The following HIC2 variants were observed in gnomAD, a reference collection of about 807,000 sequenced individuals.
The protein encoded by HIC2 is hypermethylated in cancer 2 protein.
A neutral mutation model predicts 39.5 loss-of-function variants in HIC2; 2 were observed. The observed-to-expected ratio is 0.05, with a 90% CI of 0.02 to 0.16. The LOEUF is 0.16. Ranked by LOEUF, HIC2 falls within the 10% of genes least tolerant of loss-of-function variation. The pLI, the probability that HIC2 is intolerant of heterozygous loss-of-function variation, is 1.00. For missense variants in HIC2, 713 were observed against 863.5 expected (o/e 0.83, Z 2.18); for synonymous variants, 399 against 368.8 (o/e 1.08, Z -0.94).
rs1222029496 is a variant in HIC2, at chr22:21,445,800, C to T, written c.905C>T (p.Pro302Leu). The change falls in exon 3 of 3, where the codon CCT (proline) becomes CTT (leucine). Residue 302 changes from proline (P) to leucine (L), a missense_variant. By Grantham distance (98) the Pro-to-Leu change is moderately conservative (BLOSUM62 -3). Transcript: ENST00000407464. The stretch of plus-strand genomic sequence containing the variant: ...TCTTATTCTGAGCTGGGGGGCACCC[C>T]TGATGAGCCCATGGATCTGGAGGGG... ...SASYSELGGT[P>L]DEPMDLEGAE... The T allele has an allele frequency of 6.3e-7, 1 of 1,597,102 alleles. No homozygotes were observed. Among genetic ancestry groups the T allele is most frequent in the Admixed American group, 1.7e-5 (1 of 57,840 alleles).
At chr22:21,426,019 C>G (rs1285522590) in intron 1 of HIC2, among the ~76,000 whole-genome samples, 1 of 152,296 alleles carries the variant, frequency 6.6e-6, no homozygotes, top group Non-Finnish European at 1.5e-5. Flanking sequence ...GTAATTTTGT[C>G]TAGTTTTAAT....
In HIC2 at chr22:21,445,618, C is replaced by T. The variant is rs200708695; in HGVS notation, c.723C>T (p.Cys241=). ...GCACCAACGGGAGCAGCGGGGGCTGCGAGCAGGAGCTGGGCTTGGACCTGT... is the reference window on the plus strand; with the variant it reads ...GCACCAACGGGAGCAGCGGGGGCTGTGAGCAGGAGCTGGGCTTGGACCTGT... ...SSSTNGSSGG[C]EQELGLDLSK... is the part of the protein sequence containing the mutation. Residue 241 remains cysteine (C), a synonymous_variant, in exon 3 of 3, where the codon TGC becomes TGT. Transcript: ENST00000407464. 9.9e-5 allele frequency: 156 copies of T among 1,577,174 alleles called. No homozygotes were observed. Among genetic ancestry groups the T allele is most frequent in the Middle Eastern group, 8.7e-4 (5 of 5,744 alleles).
In HIC2 at chr22:21,445,583, T is replaced by TGCA. The variant is rs748013292; in HGVS notation, c.698_700dup (p.Ser233dup). The TGCA allele has an allele frequency of 7.6e-6, 12 of 1,586,432 alleles. No individual in the cohort carries two copies. The highest frequency in any genetic ancestry group is 1.0e-5 in the Non-Finnish European group (12 of 1,168,164). On this transcript the variant is annotated inframe_insertion, in exon 3 of 3. Transcript: ENST00000407464. ...TGGCGGGGAGGCGGGTCTGGGGGGC[T>TGCA]GCAGCAGCAGCACCAACGGGAGCAG...
chr22:21,432,722 A>C (rs1923363360), intron 1 of HIC2, among the ~76,000 whole-genome samples: 1 of 143,748 alleles, frequency 7.0e-6, no homozygotes. Context: ...GGACAACTTA[A>C]AAACATTATC....
At position 21,448,505 on chromosome 22, in the gene HIC2, T is replaced by C. The variant is rs1225117423; in HGVS notation, c.*1762T>C. ...GCCAGCTGAAGCTGTGGGGCTGGGC[T>C]GGCAGCCTTTATTGTCATCTTGCTT... On this transcript the variant is annotated 3_prime_UTR_variant, in exon 3 of 3. Transcript: ENST00000407464. 1 of 152,802 alleles carries C rather than the reference T, an allele frequency of 6.5e-6. No homozygotes were observed. Among genetic ancestry groups the C allele is most frequent in the East Asian group, 1.9e-4 (1 of 5,336 alleles). 9.5% of individuals were successfully genotyped at this position (152,802 alleles called of 1,614,324 possible).
rs1924137664 is a variant in HIC2 at position 21,450,732 on chromosome 22, A to G, written c.*3989A>G. 6.5e-6 allele frequency: 1 copy of G among 152,794 alleles called. No individual in the cohort carries two copies. Among genetic ancestry groups the G allele is most frequent in the Non-Finnish European group, 1.5e-5 (1 of 68,054 alleles). The allele number at this position is 152,794 out of a possible 1,614,324, so 9.5% of individuals were successfully genotyped here. A position where few individuals can be genotyped will look rare whatever the true frequency, so the allele number is the denominator to read the frequency against. ...TTACTGAACCTGTGAATCAGACGCC[A>G]GGAGTGAGGGCTGGGGAGGGACCTA... On this transcript the variant is annotated 3_prime_UTR_variant, in exon 3 of 3. Coordinates refer to ENST00000407464, the MANE Select transcript of HIC2 (RefSeq NM_015094.3).
Position 21,445,336 on chromosome 22 carries a change from C to A in HIC2, c.441C>A (p.Gly147=). 1.3e-6 allele frequency: 2 copies of A among 1,589,472 alleles called. No homozygotes were observed. Among genetic ancestry groups the A allele is most frequent in the South Asian group, 1.2e-5 (1 of 86,346 alleles). Residue 147 remains glycine (G), a synonymous_variant, in exon 3 of 3, where the codon GGC becomes GGA. Transcript: ENST00000407464. Reference sequence around the variant, plus strand: ...TCAAGCGAGCCGGCAAGCCCTTTGGCTCTGGGAGGGCGGGGTCCACTGGCA... The same window carrying A: ...TCAAGCGAGCCGGCAAGCCCTTTGGATCTGGGAGGGCGGGGTCCACTGGCA... ...RKLKRAGKPF[G]SGRAGSTGMG...
At chr22:21,443,633 A>G (rs1341130034) in intron 2 of HIC2, among the ~76,000 whole-genome samples, 1 of 152,014 alleles carries the variant, frequency 6.6e-6, no homozygotes, top group Non-Finnish European at 1.5e-5. Context: ...AGGAAAGTTC[A>G]TGTTTTCACT....
intron 2 of HIC2, among the ~76,000 whole-genome samples, chr22:21,443,606 G>C (rs923057391): frequency 3.3e-5 from 5 of 152,160 alleles, no homozygotes; most frequent in African/African-American, 1.2e-4. Flanking sequence ...CCGCTGCTCG[G>C]TTGTCCGTCA....
At chr22:21,438,185 A>G (rs1923466345) in intron 1 of HIC2, among the ~76,000 whole-genome samples, 1 of 152,304 alleles carries the variant, frequency 6.6e-6, no homozygotes, top group African/African-American at 2.4e-5. Flanking sequence ...CAGGGTTATC[A>G]TGTGGCTGAG....
intron 1 of HIC2, among the ~76,000 whole-genome samples, chr22:21,430,931 TAGAG>T (rs1207184386): frequency 4.7e-5 from 3 of 63,894 alleles, no homozygotes; most frequent in African/African-American, 8.1e-5. Context: ...TCTTAAAGAA[TAGAG>T]AGATAAGTAG....
rs767735500 is a variant in HIC2, at chr22:21,445,610, G to A, written c.715G>A (p.Gly239Arg). ...CAGCAGCAGCACCAACGGGAGCAGCGGGGGCTGCGAGCAGGAGCTGGGCTT... is the reference window on the plus strand; with the variant it reads ...CAGCAGCAGCACCAACGGGAGCAGCAGGGGCTGCGAGCAGGAGCTGGGCTT... The part of the protein sequence containing the change: ...GCSSSTNGSS[G>R]GCEQELGLDL... Residue 239 changes from glycine to arginine, a missense_variant, in exon 3 of 3, where the codon GGG becomes AGG. Gly to Arg is a moderately radical substitution (Grantham distance 125). Transcript: ENST00000407464. 6 of 1,578,886 alleles carry A rather than the reference G, an allele frequency of 3.8e-6. No homozygotes were observed. Among genetic ancestry groups the A allele is most frequent in the South Asian group, 1.2e-5 (1 of 86,502 alleles).
chr22:21,446,154 A>T lies in HIC2; in HGVS notation c.1259A>T (p.His420Leu). ...AGCGGGAGCGAGGGGGGCAGCGGCC[A>T]TGCCAGCGCCCACTACATGTACCGG... is the stretch of plus-strand genomic sequence containing the variant. ...AQSGSEGGSG[H>L]ASAHYMYRQE... Residue 420 changes from histidine to leucine, a missense_variant, in exon 3 of 3, where the codon CAT becomes CTT. Physicochemically the swap from His to Leu is moderately conservative, Grantham distance 99. Around this residue, in one of 5 missense-constraint regions of HIC2, gnomAD observed 457 missense variants for 420.2 expected, o/e 1.09. Transcript: ENST00000407464. The T allele has an allele frequency of 6.2e-7, 1 of 1,609,386 alleles. No individual in the cohort carries two copies. Among genetic ancestry groups the T allele is most frequent in the Non-Finnish European group, 8.5e-7 (1 of 1,179,922 alleles).
chr22:21,426,336 T>TC (rs1923250829), intron 1 of HIC2, among the ~76,000 whole-genome samples: 1 of 14,074 alleles, frequency 7.1e-5, no homozygotes. Flanking sequence ...CACAGCCAGC[T>TC]ATTTTTTTTT....
chr22:21,445,853 G>A lies in HIC2; in HGVS notation c.958G>A (p.Glu320Lys). Reference protein sequence around the residue: ...GAEDNHLSLLEAPGGQPRKSL... With the variant: ...GAEDNHLSLLKAPGGQPRKSL... ...CGAGGACAACCACCTGAGCCTGCTG[G>A]AGGCGCCTGGTGGGCAGCCTCGGAA... The change falls in exon 3 of 3, where the codon GAG (glutamate) becomes AAG (lysine). Residue 320 changes from glutamate to lysine, a missense_variant. This residue lies in a region of HIC2 where 457 missense variants were observed against 420.2 expected (regional missense o/e 1.09). Transcript: ENST00000407464. 6.3e-7 allele frequency: 1 copy of A among 1,593,350 alleles called. No individual in the cohort carries two copies. Among genetic ancestry groups the A allele is most frequent in the South Asian group, 1.1e-5 (1 of 88,950 alleles).
At position 21,450,301 on chromosome 22, in the gene HIC2, A is replaced by ACCTCAGCCTG. The variant is rs1156765394; in HGVS notation, c.*3559_*3568dup. The ACCTCAGCCTG allele has an allele frequency of 6.6e-6, 1 of 152,554 alleles. No individual in the cohort carries two copies. The highest frequency in any genetic ancestry group is 1.5e-5 in the Non-Finnish European group (1 of 67,994). The allele number at this position is 152,554 out of a possible 1,614,324, so 9.5% of individuals were successfully genotyped here. A position where few individuals can be genotyped will look rare whatever the true frequency, so the allele number is the denominator to read the frequency against. ...TCAGAGACTCGCAGCATAGCCATAC[A>ACCTCAGCCTG]CCTCAGCCTGTGAAATGAACGATCC... On this transcript the variant is annotated 3_prime_UTR_variant, in exon 3 of 3. Coordinates refer to ENST00000407464, the MANE Select transcript of HIC2 (RefSeq NM_015094.3).
chr22:21,446,512 C>T lies in HIC2; in HGVS notation c.1617C>T (p.Gly539=), dbSNP rs1316065128. Residue 539 remains glycine, a synonymous_variant, in exon 3 of 3, where the codon GGC becomes GGT. Transcript: ENST00000407464. ...LTRPFPCNIC[G]KMFTQRGTMT... ...GGCCCTTCCCCTGCAACATCTGTGG[C>T]AAAATGTTCACGCAGCGCGGCACCA... 6.2e-7 allele frequency: 1 copy of T among 1,612,888 alleles called. No homozygotes were observed. Among genetic ancestry groups the T allele is most frequent in the Non-Finnish European group, 8.5e-7 (1 of 1,180,016 alleles).
In HIC2 at chr22:21,445,825, G is replaced by A; in HGVS notation, c.930G>A (p.Gly310=). 1.3e-6 allele frequency: 2 copies of A among 1,588,506 alleles called. No homozygotes were observed. Among genetic ancestry groups the A allele is most frequent in the Non-Finnish European group, 1.7e-6 (2 of 1,167,770 alleles). ...CTGATGAGCCCATGGATCTGGAGGG[G>A]GCCGAGGACAACCACCTGAGCCTGC... The part of the protein sequence containing the change: ...GTPDEPMDLE[G]AEDNHLSLLE... The change falls in exon 3 of 3, where the codon GGG becomes GGA. Residue 310 remains glycine (G), a synonymous_variant. Coordinates refer to ENST00000407464, the MANE Select transcript of HIC2 (RefSeq NM_015094.3).
chr22:21,417,750 G>C (rs1268125179), intron 1 of HIC2, among the ~76,000 whole-genome samples, 190 bp downstream of exon 1: 1 of 145,504 alleles, frequency 6.9e-6, no homozygotes, highest in Non-Finnish European at 1.5e-5. Flanking sequence ...TGGCAGGCCC[G>C]GGCTTTGTGG....
Sources: gnomAD v4.1 joint callset for allele counts (sites outside exome capture counted in the v4.1 genomes callset) on GRCh38, gnomAD v4.1.1 for gene constraint, gnomAD v4.1.1 regional missense constraint, MANE v1.5 for transcripts, NCBI Gene and HGNC (gene_info 2026-07-23, HGNC 2026-07-21) for gene names.